Variants in UBE2V2 observed in about 807,000 individuals in gnomAD.
UBE2V2 encodes ubiquitin conjugating enzyme E2 V2.
Under a neutral mutation model 17.2 loss-of-function variants are expected in UBE2V2, and 9 were observed. That is an observed-to-expected ratio of 0.52 (90% CI 0.32 to 0.91). The LOEUF is 0.91. UBE2V2 is among the 40% of genes least tolerant of loss of function. UBE2V2 has a pLI of 0.04. For missense variants in UBE2V2, 133 were observed against 182.6 expected, an observed-to-expected ratio of 0.73 and a Z score of 1.56; for synonymous variants, 61 against 57.5, an observed-to-expected ratio of 1.06 and a Z score of -0.28.
intron 1 of UBE2V2, among the ~76,000 whole-genome samples, chr8:48,019,007 GATCACTTGAGATCAGGAGTTCA>G (rs543352449): frequency 9.2e-5 from 14 of 152,064 alleles, no homozygotes; most frequent in African/African-American, 3.4e-4. Context: ...GAGGCGGGCG[GATCACTTGAGATCAGGAGTTCA>G]AGACCAACCT....
At chr8:48,053,569 A>G (rs1208434772) in intron 3 of UBE2V2, among the ~76,000 whole-genome samples, 2 of 151,584 alleles carry the variant, frequency 1.3e-5, no homozygotes, top group African/African-American at 2.4e-5. Flanking sequence ...GACCACAGGC[A>G]TGTGCCACCA....
chr8:48,018,108 A>T (rs2091282673), intron 1 of UBE2V2, among the ~76,000 whole-genome samples: 1 of 152,166 alleles, frequency 6.6e-6, no homozygotes, highest in South Asian at 2.1e-4. Flanking sequence ...AAGTGCTGGG[A>T]TTACAGGTGT....
At chr8:48,015,509 T>G (rs2091262494) in intron 1 of UBE2V2, among the ~76,000 whole-genome samples, 1 of 152,250 alleles carries the variant, frequency 6.6e-6, no homozygotes, top group Non-Finnish European at 1.5e-5. Context: ...GTGAGAATAC[T>G]TAATAGCTAC....
chr8:48,059,561 A>G (rs1273188786), intron 3 of UBE2V2, among the ~76,000 whole-genome samples: 3 of 151,722 alleles, frequency 2.0e-5, no homozygotes. Context: ...GGCACGTGCC[A>G]CCACACCTGG....
At chr8:48,020,575 C>T (rs772271857) in intron 1 of UBE2V2, among the ~76,000 whole-genome samples, 20 of 152,144 alleles carry the variant, frequency 1.3e-4, no homozygotes, top group Non-Finnish European at 2.4e-4. Context: ...CTTTCTTCCT[C>T]TCCTATGGTC....
chr8:48,000,382 T>C, the UBE2V2 span, among the ~76,000 whole-genome samples: 3 of 152,216 alleles, frequency 2.0e-5, no homozygotes, highest in African/African-American at 7.2e-5. Flanking sequence ...CAGTCCTCTC[T>C]TGCCGAAGCG....
rs937156132 is a variant in UBE2V2, at chr8:48,043,368, G to T, written c.165+187G>T. 8 of 439,792 alleles carry T rather than the reference G, an allele frequency of 1.8e-5. No homozygotes were observed. Among genetic ancestry groups the T allele is most frequent in the Admixed American group, 8.8e-5 (2 of 22,692 alleles). The allele number at this position is 439,792 out of a possible 1,614,324, so 27.2% of individuals were successfully genotyped here. On this transcript the variant is annotated intron_variant, in intron 2 of 3. Transcript: ENST00000523111. ...GCTCGATTACGTAGAGGATTGGGGG[G>T]AGGAAGGTTGATATGGTCATTGCCA...
intron 1 of UBE2V2, 132 bp from the exon 2 acceptor site, chr8:48,042,901 T>C: frequency 1.1e-6 from 1 of 896,758 alleles, no homozygotes; most frequent in South Asian, 4.0e-5. Context: ...TGGAGCAGAA[T>C]GCTTTTTAAA....
intron 2 of UBE2V2, among the ~76,000 whole-genome samples, chr8:48,044,458 T>G (rs944409497): frequency 1.3e-5 from 2 of 152,158 alleles, no homozygotes; most frequent in African/African-American, 4.8e-5. Flanking sequence ...CCCTCCTGAT[T>G]ATTACAAAAG....
intron 1 of UBE2V2, among the ~76,000 whole-genome samples, chr8:48,034,127 C>CTTTTTTTTTT (rs1209914211): frequency 5.7e-5 from 7 of 121,802 alleles, no homozygotes; most frequent in African/African-American, 2.4e-4. Flanking sequence ...GTTTTCTTTT[C>CTTTTTTTTTT]CTTTTTTTTT....
At chr8:48,035,627 T>TG (rs1554657528) in intron 1 of UBE2V2, among the ~76,000 whole-genome samples, 7 of 138,012 alleles carry the variant, frequency 5.1e-5, no homozygotes, top group Admixed American at 8.1e-5. Context: ...TTGTTTTTTT[T>TG]TTTTTGTGTG....
At chr8:48,054,325 A>G (rs1214717030) in intron 3 of UBE2V2, among the ~76,000 whole-genome samples, 1 of 152,130 alleles carries the variant, frequency 6.6e-6, no homozygotes, top group East Asian at 1.9e-4. Context: ...AATATTGCCA[A>G]GCTGCTTTCC....
At chr8:48,016,368 T>C (rs1171950698) in intron 1 of UBE2V2, among the ~76,000 whole-genome samples, 1 of 152,138 alleles carries the variant, frequency 6.6e-6, no homozygotes, top group African/African-American at 2.4e-5. Flanking sequence ...TGTTTTTAGG[T>C]TTTTGAGGAA....
intron 1 of UBE2V2, among the ~76,000 whole-genome samples, chr8:48,038,370 T>G (rs1212586499): frequency 6.6e-6 from 1 of 152,214 alleles, no homozygotes; most frequent in South Asian, 2.1e-4. Context: ...CAAAATGGAG[T>G]GTAGTGGCGT....
At chr8:48,007,983 C>T (rs28578331), upstream of UBE2V2, among the ~76,000 whole-genome samples, 21,992 of 152,100 alleles carry the variant, frequency 0.14, 2,544 homozygotes, top group African/African-American at 0.3. Flanking sequence ...AGTGCAGTGG[C>T]GCAATCGCGG....
intron 1 of UBE2V2, among the ~76,000 whole-genome samples, chr8:48,032,759 C>A (rs1354397785): frequency 6.6e-6 from 1 of 152,100 alleles, no homozygotes; most frequent in Non-Finnish European, 1.5e-5. Context: ...TGCACACACA[C>A]CCCAGCATAT....
intron 1 of UBE2V2, among the ~76,000 whole-genome samples, chr8:48,017,151 G>GT (rs771647854): frequency 1.6e-3 from 237 of 150,378 alleles, no homozygotes; most frequent in Admixed American, 3.5e-3. Flanking sequence ...CCTCATGTGG[G>GT]TTTTTTTTTG....
At chr8:48,017,311 G>C (rs559812147) in intron 1 of UBE2V2, among the ~76,000 whole-genome samples, 68 of 151,270 alleles carry the variant, frequency 4.5e-4, no homozygotes, top group African/African-American at 1.6e-3. Context: ...TATATATTTT[G>C]GTTATTAACC....
chr8:47,999,559 A>C, the UBE2V2 span, among the ~76,000 whole-genome samples: 4 of 151,726 alleles, frequency 2.6e-5, no homozygotes, highest in Non-Finnish European at 5.9e-5. Context: ...ACGGGGTTTC[A>C]CCATGTTAGC....
Sources: allele counts gnomAD v4.1 joint callset (sites outside exome capture counted in the v4.1 genomes callset), GRCh38; gene constraint gnomAD v4.1.1; transcripts MANE v1.5; gene names NCBI Gene and HGNC (gene_info 2026-07-23, HGNC 2026-07-21).